B3GALT1: variants seen among roughly 807,000 people sequenced by gnomAD.
B3GALT1 encodes beta-1,3-galactosyltransferase 1, also known as UDP-Gal:betaGlcNAc beta 1,3-galactosyltransferase, polypeptide 1.
In B3GALT1, 10 loss-of-function variants were observed where a neutral mutation model predicts 23.2. The observed-to-expected ratio is 0.43, with a 90% confidence interval of 0.27 to 0.73. The LOEUF (loss-of-function observed/expected upper bound fraction) is 0.73. Among genes scored for constraint, B3GALT1 ranks in the 30% least tolerant of loss-of-function variants. B3GALT1 has a pLI of 0.21. For synonymous variants in B3GALT1, 156 were observed against 141.5 expected (o/e 1.10, Z -0.73); for missense variants, 299 against 405.4 (o/e 0.74, Z 2.25).
chr2:167,298,251 A>G (rs1165334565), intron 1 of B3GALT1, among the ~76,000 whole-genome samples: 3 of 152,114 alleles, frequency 2.0e-5, no homozygotes, highest in Non-Finnish European at 4.4e-5. Flanking sequence ...CAGGAAGTTG[A>G]TATTTATTGC....
intron 3 of B3GALT1, among the ~76,000 whole-genome samples, chr2:167,778,895 C>T (rs530630424): frequency 7.4e-4 from 112 of 152,308 alleles, no homozygotes; most frequent in Middle Eastern, 3.4e-3. Flanking sequence ...ACTGTCAGAC[C>T]TCATTGGAAA....
intron 2 of B3GALT1, among the ~76,000 whole-genome samples, chr2:167,619,307 A>AGTAT (rs1291520378): frequency 6.6e-6 from 1 of 151,920 alleles, no homozygotes; most frequent in East Asian, 1.9e-4. Flanking sequence ...ACTCTCTAAC[A>AGTAT]CATATCACAA....
intron 3 of B3GALT1, among the ~76,000 whole-genome samples, chr2:167,677,683 A>C (rs914077483): frequency 6.6e-6 from 1 of 151,568 alleles, no homozygotes. Context: ...TTTTTTTTTC[A>C]CTGCTCCCTC....
At position 167,841,901 on chromosome 2, in the gene B3GALT1, C is replaced by T. The variant is rs115794161; in HGVS notation, c.-230+23108C>T. Among the ~76,000 whole-genome samples the T allele has an allele frequency of 4.8e-3, 726 of 152,240 alleles. 7 individuals carry two copies. Among genetic ancestry groups the T allele is most frequent in the African/African-American group, 0.016 (676 of 41,542 alleles). On this transcript the variant is annotated intron_variant, in intron 4 of 4. Coordinates refer to ENST00000392690, the MANE Select transcript of B3GALT1 (RefSeq NM_020981.4). ...AAGTAACTTTTCATACAATAATGTG[C>T]TTCCTTTAAAATAATAAAATTTTTT... is the stretch of plus-strand genomic sequence containing the variant.
chr2:167,645,264 C>G (rs969570934), intron 2 of B3GALT1, among the ~76,000 whole-genome samples: 1 of 152,074 alleles, frequency 6.6e-6, no homozygotes, highest in Non-Finnish European at 1.5e-5. Context: ...TCTTTTCTAG[C>G]AATACTTTTA....
chr2:167,419,214 G>T (rs1698512797), intron 1 of B3GALT1, among the ~76,000 whole-genome samples: 1 of 152,156 alleles, frequency 6.6e-6, no homozygotes, highest in Non-Finnish European at 1.5e-5. Context: ...AATTTAACCT[G>T]TTGAGAACTA....
intron 3 of B3GALT1, among the ~76,000 whole-genome samples, chr2:167,692,101 CTCTG>C (rs1191638509): frequency 2.6e-5 from 4 of 152,096 alleles, no homozygotes; most frequent in Non-Finnish European, 1.5e-5. Context: ...GTGTATTTGC[CTCTG>C]TTGTAAGATG....
intron 2 of B3GALT1, among the ~76,000 whole-genome samples, chr2:167,530,164 T>G (rs989332038): frequency 1.6e-5 from 2 of 126,060 alleles, no homozygotes; most frequent in Non-Finnish European, 3.3e-5. Context: ...CAGAGCTTGC[T>G]CCCTCATTTA....
chr2:167,852,467 GGTGTGTGTGTGT>G (rs66820655), intron 4 of B3GALT1, among the ~76,000 whole-genome samples: 12 of 146,478 alleles, frequency 8.2e-5, no homozygotes, highest in South Asian at 6.7e-4. Flanking sequence ...TATTCGTGAT[GGTGTGTGTGTGT>G]GTGTGTGTGT....
At chr2:167,294,181 C>G (rs1234949690) in intron 1 of B3GALT1, among the ~76,000 whole-genome samples, 2 of 152,168 alleles carry the variant, frequency 1.3e-5, no homozygotes, top group South Asian at 2.1e-4. Flanking sequence ...CACTGCCTCC[C>G]CAGGCCGCTT....
At chr2:167,512,564 A>ATG (rs1700026873) in intron 2 of B3GALT1, among the ~76,000 whole-genome samples, 3 of 89,998 alleles carry the variant, frequency 3.3e-5, no homozygotes, top group African/African-American at 1.4e-4. Flanking sequence ...ATGTATATAT[A>ATG]TATGTATATA....
At chr2:167,548,685 AGTGT>A (rs71031297) in intron 2 of B3GALT1, among the ~76,000 whole-genome samples, 2,157 of 144,786 alleles carry the variant, frequency 0.015, 34 homozygotes, top group Admixed American at 0.031. Context: ...CGTGTGTGTG[AGTGT>A]GTGTGTGTGT....
Position 167,392,379 on chromosome 2 carries a change from T to C in B3GALT1, c.-510-97798T>C, listed in dbSNP as rs1045686355. On this transcript the variant is annotated intron_variant, in intron 1 of 4. Coordinates refer to ENST00000392690, the MANE Select transcript of B3GALT1 (RefSeq NM_020981.4). Reference sequence around the variant, plus strand: ...TTCTCAGCCTGTTGATTTGGTTCTTTTATCAATCTTATTTTTATAAGCCCA... The same window carrying C: ...TTCTCAGCCTGTTGATTTGGTTCTTCTATCAATCTTATTTTTATAAGCCCA... 7.9e-5 allele frequency among the ~76,000 whole-genome samples: 12 copies of C among 152,228 alleles called. No individual in the cohort carries two copies. The South Asian group carries it at 8.3e-4, about 11-fold the overall frequency.
chr2:167,543,984 T>G (rs1427948357), intron 2 of B3GALT1, among the ~76,000 whole-genome samples: 2 of 152,244 alleles, frequency 1.3e-5, no homozygotes, highest in African/African-American at 4.8e-5. Flanking sequence ...CCTTAGCATG[T>G]TGGCTTATAG....
At chr2:167,554,349 A>G (rs1249618965) in intron 2 of B3GALT1, among the ~76,000 whole-genome samples, 2 of 152,192 alleles carry the variant, frequency 1.3e-5, no homozygotes, top group East Asian at 1.9e-4. Context: ...CCTTCTATCT[A>G]TAAGGAAGAG....
intron 1 of B3GALT1, among the ~76,000 whole-genome samples, chr2:167,475,771 C>T (rs558227379): frequency 4.9e-4 from 74 of 151,974 alleles, no homozygotes; most frequent in Non-Finnish European, 8.7e-4. Context: ...AATTGTTTTA[C>T]GGTTCTGGGG....
chr2:167,576,966 A>G (rs549115233), intron 2 of B3GALT1, among the ~76,000 whole-genome samples: 3 of 151,906 alleles, frequency 2.0e-5, no homozygotes, highest in African/African-American at 4.8e-5. Flanking sequence ...GATTTCTCCC[A>G]TCTGTCCTTA....
chr2:167,740,092 C>A (rs913937320), intron 3 of B3GALT1, among the ~76,000 whole-genome samples: 2 of 147,540 alleles, frequency 1.4e-5, no homozygotes, highest in African/African-American at 5.0e-5. Context: ...GAGTGGGACT[C>A]TGTCTCTAAA....
chr2:167,469,611 A>T (rs1016827087), intron 1 of B3GALT1, among the ~76,000 whole-genome samples: 1 of 152,178 alleles, frequency 6.6e-6, no homozygotes, highest in Non-Finnish European at 1.5e-5. Context: ...AATCACTAGT[A>T]ATAGTACTGA....
Sources: allele counts gnomAD v4.1 joint callset (sites outside exome capture counted in the v4.1 genomes callset), GRCh38; gene constraint gnomAD v4.1.1; transcripts MANE v1.5; gene names NCBI Gene and HGNC (gene_info 2026-07-23, HGNC 2026-07-21).